MYL1: variants seen among roughly 807,000 people sequenced by gnomAD.
MYL1 encodes myosin light chain 1.
A neutral mutation model predicts 21.8 loss-of-function variants in MYL1; 16 were observed. The observed-to-expected ratio is 0.74, with a 90% confidence interval of 0.50 to 1.12. The LOEUF (loss-of-function observed/expected upper bound fraction) is 1.12. Ranked by LOEUF, MYL1 falls within the 50% of genes most tolerant of loss-of-function variation. The pLI is 0.00. For synonymous variants in MYL1, 99 were observed against 85.2 expected, an observed-to-expected ratio of 1.16 and a Z score of -0.89; for missense variants, 246 against 241.0, an observed-to-expected ratio of 1.02 and a Z score of -0.14.
At chr2:210,310,219 A>G (rs921692719) in intron 1 of MYL1, among the ~76,000 whole-genome samples, 1 of 152,120 alleles carries the variant, frequency 6.6e-6, no homozygotes, top group Non-Finnish European at 1.5e-5. Context: ...TTATGTAAAG[A>G]AAAGTTAGAA....
At chr2:210,308,250 C>T (rs1375459014) in intron 1 of MYL1, among the ~76,000 whole-genome samples, 1 of 151,426 alleles carries the variant, frequency 6.6e-6, no homozygotes, top group African/African-American at 2.4e-5. Flanking sequence ...ATTTTCACTC[C>T]AATCTCACAG....
Position 210,309,619 on chromosome 2 carries a change from G to T in MYL1, c.132+5292C>A, listed in dbSNP as rs569930969. 5.9e-5 allele frequency among the ~76,000 whole-genome samples: 9 copies of T among 152,100 alleles called. No homozygotes were observed. The South Asian group carries it at 1.7e-3, about 28-fold the overall frequency. On this transcript the variant is annotated intron_variant, in intron 1 of 6. Coordinates refer to ENST00000352451, the MANE Select transcript of MYL1 (RefSeq NM_079420.3). ...GTTGATATAGAAACAAATCACAGAA[G>T]ATCTTGTTTTTATATGAAAAGTATT...
intron 3 of MYL1, 88 bp from the exon 4 acceptor site, chr2:210,294,506 A>G: frequency 7.7e-7 from 1 of 1,301,084 alleles, no homozygotes. Context: ...ATTCTAGGTT[A>G]TCTGAAAAAC....
In MYL1 at chr2:210,302,497, G is replaced by C; in HGVS notation, c.151C>G (p.Gln51Glu). 1 of 1,609,432 alleles carries C rather than the reference G, an allele frequency of 6.2e-7. No homozygotes were observed. The highest frequency in any genetic ancestry group is 8.5e-7 in the Non-Finnish European group (1 of 1,178,644). ...TAGCTTTTAAACTTACCATCCTGCT[G>C]TTCCTTAGAGAACTCGATCTGTTAG... ...SAIKIEFSKE[Q>E]QDEFKEAFLL... is the part of the protein sequence containing the mutation. Residue 51 changes from glutamine (Q) to glutamate (E), a missense_variant, in exon 2 of 7, where the codon CAG becomes GAG. Transcript: ENST00000352451.
intron 1 of MYL1, among the ~76,000 whole-genome samples, chr2:210,311,299 G>A (rs1009773689): frequency 1.3e-5 from 2 of 151,710 alleles, no homozygotes; most frequent in Non-Finnish European, 2.9e-5. Flanking sequence ...GCCACAATGC[G>A]TATAAAACTA....
At chr2:210,299,829 G>A (rs889281216) in intron 2 of MYL1, among the ~76,000 whole-genome samples, 2 of 152,062 alleles carry the variant, frequency 1.3e-5, no homozygotes, top group African/African-American at 4.8e-5. Context: ...GAATAAATTG[G>A]TAGAAGTGAA....
At chr2:210,306,995 A>G (rs1690349158) in intron 1 of MYL1, among the ~76,000 whole-genome samples, 2 of 152,170 alleles carry the variant, frequency 1.3e-5, no homozygotes, top group South Asian at 2.1e-4. Flanking sequence ...ATTAGTTTTA[A>G]AGATCAGATT....
intron 1 of MYL1, among the ~76,000 whole-genome samples, chr2:210,310,181 C>T (rs569056467): frequency 2.4e-3 from 365 of 152,064 alleles, no homozygotes; most frequent in African/African-American, 8.5e-3. Flanking sequence ...ATTAAAAGGC[C>T]AGAGTAAAAG....
intron 1 of MYL1, among the ~76,000 whole-genome samples, chr2:210,305,441 A>G (rs1238794507): frequency 2.0e-5 from 3 of 152,162 alleles, no homozygotes; most frequent in African/African-American, 7.2e-5. Flanking sequence ...TGAATATTAC[A>G]AGATTTGGAA....
Position 210,293,894 on chromosome 2 carries a change from T to A in MYL1, c.479-94A>T, listed in dbSNP as rs1690125270. On this transcript the variant is annotated intron_variant, in intron 4 of 6. Transcript: ENST00000352451. ...CAGTCAAGGGCTCTGGAGACTAAACTCTTGACATATAGGAACTGTGACTTT... is the reference window on the plus strand; with the variant it reads ...CAGTCAAGGGCTCTGGAGACTAAACACTTGACATATAGGAACTGTGACTTT... 7.6e-6 allele frequency: 8 copies of A among 1,056,094 alleles called. No homozygotes were observed. The South Asian group carries it at 9.3e-5, about 12-fold the overall frequency. The allele number at this position is 1,056,094 out of a possible 1,614,324, so 65.4% of individuals were successfully genotyped here.
chr2:210,304,291 G>A (rs1488084516), intron 1 of MYL1, among the ~76,000 whole-genome samples: 1 of 151,972 alleles, frequency 6.6e-6, no homozygotes, highest in Non-Finnish European at 1.5e-5. Context: ...TTCCCTCCTT[G>A]TTATCTTTAT....
intron 3 of MYL1, 145 bp downstream of exon 3, chr2:210,298,275 T>C: frequency 1.1e-6 from 1 of 949,082 alleles, no homozygotes; most frequent in South Asian, 2.1e-5. Flanking sequence ...CCCTATTATG[T>C]GAAACATTTT....
At position 210,294,239 on chromosome 2, in the gene MYL1, C is replaced by T; in HGVS notation, c.478+6G>A. ...TCACTAAGTCCACTGAAATAAATTC[C>T]CTTACCCAGGGTGGCTAGAACATGG... On this transcript the variant is annotated splice_donor_region_variant and intron_variant, in intron 4 of 6. Transcript: ENST00000352451. The T allele has an allele frequency of 6.2e-7, 1 of 1,604,546 alleles. No homozygotes were observed. The highest frequency in any genetic ancestry group is 8.5e-7 in the Non-Finnish European group (1 of 1,175,904).
In MYL1 at chr2:210,298,422, T is replaced by A; in HGVS notation, c.302A>T (p.Glu101Val). The change falls in exon 3 of 7, where the codon GAA (glutamate) becomes GTA (valine). Residue 101 changes from glutamate to valine, a missense_variant and splice_region_variant. By Grantham distance (121) the Glu-to-Val change is moderately radical. Transcript: ENST00000352451. ...VRKVLGNPSN[E>V]ELNAKKIEFE... ...TCTTGGAAAAATTGATGGGTTACCT[T>A]CATTGCTGGGGTTTCCCAGAACTTT... 1 of 1,613,682 alleles carries A rather than the reference T, an allele frequency of 6.2e-7. No individual in the cohort carries two copies. The highest frequency in any genetic ancestry group is 8.5e-7 in the Non-Finnish European group (1 of 1,179,832).
chr2:210,302,435 A>T (rs1690277746), intron 2 of MYL1, 53 bp downstream of exon 2: 2 of 1,548,618 alleles, frequency 1.3e-6, no homozygotes, highest in Non-Finnish European at 1.7e-6. Context: ...TGGTTTTCAC[A>T]CATGCCATCT....
chr2:210,309,313 T>C (rs1356472375), intron 1 of MYL1, among the ~76,000 whole-genome samples: 1 of 151,862 alleles, frequency 6.6e-6, no homozygotes, highest in East Asian at 1.9e-4. Flanking sequence ...TTCAAGCCAG[T>C]TGGATTTTTT....
chr2:210,294,775 C>T (rs897602630), intron 3 of MYL1, among the ~76,000 whole-genome samples: 11 of 151,970 alleles, frequency 7.2e-5, no homozygotes, highest in East Asian at 1.9e-4. Flanking sequence ...AAACTGAGTG[C>T]TTAATAAGTG....
In MYL1 at chr2:210,290,162, C is replaced by T. The variant is rs770290665; in HGVS notation, c.*320G>A. 6.6e-6 allele frequency: 1 copy of T among 151,926 alleles called. No homozygotes were observed. Among genetic ancestry groups the T allele is most frequent in the Non-Finnish European group, 1.5e-5 (1 of 67,970 alleles). 9.4% of individuals were successfully genotyped at this position (151,926 alleles called of 1,614,324 possible). A position where few individuals can be genotyped will look rare whatever the true frequency, so the allele number is the denominator to read the frequency against. On this transcript the variant is annotated 3_prime_UTR_variant, in exon 7 of 7. Transcript: ENST00000352451. ...TGTGACTTGAACATTCCAGACTGAC[C>T]AAAATTGTTTATTGATTTATTGTTT...
At position 210,315,010 on chromosome 2, in the gene MYL1, C is replaced by A. The variant is rs1690473683; in HGVS notation, c.33G>T (p.Val11=). 6.2e-7 allele frequency: 1 copy of A among 1,604,864 alleles called. No homozygotes were observed. The highest frequency in any genetic ancestry group is 1.7e-5 in the Admixed American group (1 of 57,300). ...GGGCTGGGGCAGCCGCAGCCGCAGC[C>A]ACAGGTTTCTTCACGTCTTTCTTTG... MAPKKDVKKP[V]AAAAAAPAPA... The change falls in exon 1 of 7, where the codon GTG becomes GTT. Residue 11 remains valine, a synonymous_variant. Coordinates refer to ENST00000352451, the MANE Select transcript of MYL1 (RefSeq NM_079420.3).
Sources: gnomAD v4.1 joint callset for allele counts (sites outside exome capture counted in the v4.1 genomes callset) on GRCh38, gnomAD v4.1.1 for gene constraint, MANE v1.5 for transcripts, NCBI Gene and HGNC (gene_info 2026-07-23, HGNC 2026-07-21) for gene names.